The following SEMA5A variants were observed in gnomAD, a reference collection of about 807,000 sequenced individuals.
SEMA5A encodes semaphorin 5A, also known as semaphorin-5A.
In SEMA5A, 55 loss-of-function variants were observed where a neutral mutation model predicts 135.5. That is an observed-to-expected ratio of 0.41 (90% CI 0.33 to 0.51). The LOEUF (loss-of-function observed/expected upper bound fraction) is 0.51, where lower values mean the gene tolerates loss of function less well. Ranked by LOEUF, SEMA5A falls within the 20% of genes least tolerant of loss-of-function variation. The pLI is 0.37. For missense variants in SEMA5A, 1,290 were observed against 1,419.9 expected, an observed-to-expected ratio of 0.91 and a Z score of 1.47; for synonymous variants, 580 against 546.5, an observed-to-expected ratio of 1.06 and a Z score of -0.85.
intron 1 of SEMA5A, among the ~76,000 whole-genome samples, chr5:9,534,006 G>C (rs1290564546): frequency 6.6e-6 from 1 of 152,204 alleles, no homozygotes; most frequent in Non-Finnish European, 1.5e-5. Flanking sequence ...CTCACCTGAA[G>C]AGGAACAAAG....
At chr5:9,156,468 G>T (rs1261690761) in intron 11 of SEMA5A, among the ~76,000 whole-genome samples, 2 of 152,166 alleles carry the variant, frequency 1.3e-5, no homozygotes, top group Non-Finnish European at 2.9e-5. Context: ...CCTTCCTGTG[G>T]AGCAGTGATG....
chr5:9,105,105 G>T (rs2150149344), intron 16 of SEMA5A, among the ~76,000 whole-genome samples: 1 of 152,314 alleles, frequency 6.6e-6, no homozygotes, highest in Admixed American at 6.5e-5. Flanking sequence ...CAAGATCCAG[G>T]TCCTCCCTCT....
intron 2 of SEMA5A, among the ~76,000 whole-genome samples, chr5:9,393,534 C>T (rs1422553823): frequency 6.6e-6 from 1 of 152,078 alleles, no homozygotes; most frequent in Non-Finnish European, 1.5e-5. Flanking sequence ...AGTTCCCATG[C>T]CCTGTAATAT....
chr5:9,235,679 T>A (rs2150446172), intron 6 of SEMA5A, among the ~76,000 whole-genome samples: 1 of 150,422 alleles, frequency 6.6e-6, no homozygotes, highest in South Asian at 2.1e-4. Context: ...CAAGTGTGCA[T>A]CAACAATATC....
At chr5:9,371,352 A>G (rs1755127085) in intron 3 of SEMA5A, among the ~76,000 whole-genome samples, 1 of 152,210 alleles carries the variant, frequency 6.6e-6, no homozygotes, top group African/African-American at 2.4e-5. Flanking sequence ...CTCAGGTCTC[A>G]TCAGCCAAAG....
intron 3 of SEMA5A, among the ~76,000 whole-genome samples, chr5:9,348,817 A>G (rs1254162128): frequency 6.6e-6 from 1 of 152,232 alleles, no homozygotes; most frequent in African/African-American, 2.4e-5. Context: ...TCGCCACCAG[A>G]TAACGACAGA....
intron 1 of SEMA5A, among the ~76,000 whole-genome samples, chr5:9,465,441 C>G (rs896979827): frequency 6.6e-6 from 1 of 152,176 alleles, no homozygotes; most frequent in Admixed American, 6.5e-5. Context: ...ACAGTCAGCC[C>G]TCCATATCCA....
intron 5 of SEMA5A, among the ~76,000 whole-genome samples, chr5:9,241,091 G>C (rs1243872263): frequency 2.0e-5 from 3 of 152,050 alleles, no homozygotes; most frequent in Admixed American, 2.0e-4. Flanking sequence ...ACATATAGCA[G>C]TAATATTGTG....
At chr5:9,485,259 A>T (rs1170875654) in intron 1 of SEMA5A, among the ~76,000 whole-genome samples, 4 of 105,748 alleles carry the variant, frequency 3.8e-5, no homozygotes, top group Admixed American at 9.0e-5. Context: ...CCTGGAAATT[A>T]AAAAAAAAAA....
intron 5 of SEMA5A, among the ~76,000 whole-genome samples, chr5:9,279,900 A>G (rs1750454734): frequency 1.3e-5 from 2 of 152,188 alleles, no homozygotes; most frequent in Non-Finnish European, 2.9e-5. Context: ...TAAATTACCC[A>G]GCCTCAGTCT....
At chr5:9,356,509 C>G (rs973049585) in intron 3 of SEMA5A, among the ~76,000 whole-genome samples, 3 of 152,102 alleles carry the variant, frequency 2.0e-5, no homozygotes, top group African/African-American at 7.2e-5. Context: ...AGGCTGCACA[C>G]AGTTAGAAGA....
intron 16 of SEMA5A, among the ~76,000 whole-genome samples, chr5:9,092,283 CA>C (rs1054562151): frequency 6.6e-6 from 1 of 152,204 alleles, no homozygotes; most frequent in African/African-American, 2.4e-5. Context: ...GTGATGGCCC[CA>C]AAAGGGCTCA....
At chr5:9,452,777 G>T (rs1189200319) in intron 1 of SEMA5A, among the ~76,000 whole-genome samples, 1 of 152,172 alleles carries the variant, frequency 6.6e-6, no homozygotes, top group African/African-American at 2.4e-5. Context: ...TATTACAAAA[G>T]CTCCAGAGTC....
At chr5:9,255,531 C>G (rs932695384) in intron 5 of SEMA5A, among the ~76,000 whole-genome samples, 2 of 152,174 alleles carry the variant, frequency 1.3e-5, no homozygotes, top group Admixed American at 6.5e-5. Flanking sequence ...TCCATTATAG[C>G]ATTTGACAAT....
intron 5 of SEMA5A, among the ~76,000 whole-genome samples, chr5:9,256,760 A>G (rs1749091844): frequency 6.6e-6 from 1 of 152,246 alleles, no homozygotes; most frequent in African/African-American, 2.4e-5. Context: ...GGAAGGAATA[A>G]TCTAGGAGTT....
chr5:9,099,943 C>T (rs1739528692), intron 16 of SEMA5A, among the ~76,000 whole-genome samples: 1 of 152,212 alleles, frequency 6.6e-6, no homozygotes, highest in Admixed American at 6.5e-5. Flanking sequence ...AAGGGCCTTC[C>T]TGTCCTGTAT....
At chr5:9,228,928 C>G (rs1035943827) in intron 6 of SEMA5A, among the ~76,000 whole-genome samples, 1 of 152,152 alleles carries the variant, frequency 6.6e-6, no homozygotes, top group African/African-American at 2.4e-5. Context: ...TGCATAGCAT[C>G]GAGACAGCGG....
intron 13 of SEMA5A, 108 bp from the exon 14 acceptor site, chr5:9,122,945 G>T (rs1740895561): frequency 8.9e-6 from 9 of 1,008,840 alleles, no homozygotes; most frequent in Non-Finnish European, 1.2e-5. Context: ...TCTAGAATTT[G>T]TTGTTGTTGT....
At chr5:9,301,759 G>T (rs10080041) in intron 5 of SEMA5A, among the ~76,000 whole-genome samples, 21,210 of 152,064 alleles carry the variant, frequency 0.14, 1,570 homozygotes, top group South Asian at 0.19. Context: ...GGGCTTCCTG[G>T]GAGACCTGCC....
Sources: gnomAD v4.1 joint callset for allele counts (sites outside exome capture counted in the v4.1 genomes callset) on GRCh38, gnomAD v4.1.1 for gene constraint, MANE v1.5 for transcripts, NCBI Gene and HGNC (gene_info 2026-07-23, HGNC 2026-07-21) for gene names.